The following ENTREP2 variants were observed in gnomAD, a reference collection of about 807,000 sequenced individuals.
ENTREP2 encodes the protein protein ENTREP2.
the ENTREP2 span, among the ~76,000 whole-genome samples, chr15:29,132,796 C>A: frequency 1.3e-5 from 2 of 152,164 alleles, no homozygotes; most frequent in Non-Finnish European, 2.9e-5. Flanking sequence ...CAGGCAGGGC[C>A]CTCGGGAAGC....
the ENTREP2 span, among the ~76,000 whole-genome samples, chr15:29,600,664 G>T: frequency 6.6e-6 from 1 of 151,980 alleles, no homozygotes; most frequent in African/African-American, 2.4e-5. Flanking sequence ...TAGGGACAGG[G>T]TCTTGCTATA....
the ENTREP2 span, among the ~76,000 whole-genome samples, chr15:29,602,359 C>A: frequency 1.4e-4 from 22 of 152,216 alleles, no homozygotes; most frequent in African/African-American, 4.8e-4. Flanking sequence ...GACTTCAATT[C>A]TTGGTCTGGG....
the ENTREP2 span, among the ~76,000 whole-genome samples, chr15:29,511,626 TGA>T: frequency 6.6e-6 from 1 of 151,710 alleles, no homozygotes; most frequent in African/African-American, 2.4e-5. Flanking sequence ...CACACCCGAC[TGA>T]GAGTGTCAGA....
the ENTREP2 span, among the ~76,000 whole-genome samples, chr15:29,630,488 C>T: frequency 6.6e-6 from 1 of 152,118 alleles, no homozygotes; most frequent in African/African-American, 2.4e-5. Context: ...TTGAGATTCA[C>T]TTAGCTTTTT....
chr15:29,609,383 T>G, the ENTREP2 span, among the ~76,000 whole-genome samples: 1 of 150,170 alleles, frequency 6.7e-6, no homozygotes, highest in African/African-American at 2.4e-5. Context: ...CATGTTGAAA[T>G]TTAATTACCA....
chr15:29,364,328 C>A, the ENTREP2 span, among the ~76,000 whole-genome samples: 7 of 152,188 alleles, frequency 4.6e-5, no homozygotes, highest in African/African-American at 1.4e-4. Context: ...CACTTGCCTG[C>A]CACACACCTG....
chr15:29,322,573 T>C, the ENTREP2 span, among the ~76,000 whole-genome samples: 11 of 152,232 alleles, frequency 7.2e-5, no homozygotes, highest in Non-Finnish European at 1.3e-4. Context: ...AAGCTGCCTT[T>C]CCTTTTGTTG....
At chr15:29,400,882 C>T in the ENTREP2 span, among the ~76,000 whole-genome samples, 18 of 152,184 alleles carry the variant, frequency 1.2e-4, no homozygotes, top group Non-Finnish European at 2.4e-4. Flanking sequence ...GGTGGAGTCC[C>T]GTCCCCATCC....
the ENTREP2 span, among the ~76,000 whole-genome samples, chr15:29,450,220 T>C: frequency 6.6e-6 from 1 of 152,218 alleles, no homozygotes; most frequent in Admixed American, 6.5e-5. Flanking sequence ...CTATTGATAG[T>C]TTCTTTTCTG....
chr15:29,467,246 T>C, the ENTREP2 span, among the ~76,000 whole-genome samples: 9,139 of 152,202 alleles, frequency 0.06, 339 homozygotes, highest in Non-Finnish European at 0.073. Flanking sequence ...TCTCAGGCTA[T>C]TGGAGTGAAC....
the ENTREP2 span, among the ~76,000 whole-genome samples, chr15:29,653,887 C>A: frequency 1.3e-5 from 2 of 152,090 alleles, no homozygotes; most frequent in Non-Finnish European, 2.9e-5. Context: ...CTCCAGAAAT[C>A]GGAAAGAATC....
chr15:29,658,681 A>C, the ENTREP2 span, among the ~76,000 whole-genome samples: 1 of 152,220 alleles, frequency 6.6e-6, no homozygotes, highest in African/African-American at 2.4e-5. Flanking sequence ...TACAACACCC[A>C]AGACTGATCT....
chr15:29,154,781 C>A, the ENTREP2 span, among the ~76,000 whole-genome samples: 3 of 152,192 alleles, frequency 2.0e-5, no homozygotes, highest in Non-Finnish European at 4.4e-5. Flanking sequence ...CTGGACAATT[C>A]CCTGTTCTCC....
At chr15:29,554,105 G>A in the ENTREP2 span, among the ~76,000 whole-genome samples, 2 of 152,058 alleles carry the variant, frequency 1.3e-5, no homozygotes, top group East Asian at 3.9e-4. Context: ...ACAAGGTCAG[G>A]AGTTTGAGAC....
At chr15:29,209,061 G>A in the ENTREP2 span, among the ~76,000 whole-genome samples, 135 of 152,282 alleles carry the variant, frequency 8.9e-4, 2 homozygotes, top group East Asian at 0.023. Context: ...CGGGGCTCCC[G>A]GGGATGCTGG....
chr15:29,365,392 A>G, the ENTREP2 span, among the ~76,000 whole-genome samples: 1 of 151,826 alleles, frequency 6.6e-6, no homozygotes, highest in African/African-American at 2.4e-5. Flanking sequence ...AGCTGGGATT[A>G]CAGGTGCCCG....
the ENTREP2 span, among the ~76,000 whole-genome samples, chr15:29,165,062 C>T: frequency 8.5e-5 from 13 of 152,120 alleles, no homozygotes; most frequent in Non-Finnish European, 1.6e-4. Flanking sequence ...ATAACCTACT[C>T]CTGAATGAGC....
chr15:29,596,115 T>C, the ENTREP2 span, among the ~76,000 whole-genome samples: 1 of 152,198 alleles, frequency 6.6e-6, no homozygotes, highest in African/African-American at 2.4e-5. Context: ...GCCTGCTCAG[T>C]TGGCAGAAGA....
the ENTREP2 span, among the ~76,000 whole-genome samples, chr15:29,433,745 A>G: frequency 2.0e-5 from 3 of 150,396 alleles, no homozygotes; most frequent in Admixed American, 2.0e-4. Context: ...AGGGGTCTCA[A>G]GGTCTCTCAG....
Sources: allele counts gnomAD v4.1 joint callset (sites outside exome capture counted in the v4.1 genomes callset), GRCh38; gene constraint gnomAD v4.1.1; transcripts MANE v1.5; gene names NCBI Gene and HGNC (gene_info 2026-07-23, HGNC 2026-07-21).